LTA4H: variants seen among roughly 807,000 people sequenced by gnomAD.
The protein encoded by LTA4H is leukotriene A4 hydrolase.
Under a neutral mutation model 89.8 loss-of-function variants are expected in LTA4H, and 59 were observed. That is an observed-to-expected ratio of 0.66 (90% CI 0.53 to 0.82). The LOEUF is 0.82. LTA4H is among the 40% of genes least tolerant of loss of function. LTA4H has a pLI of 0.00. For synonymous variants in LTA4H, 227 were observed against 253.1 expected, an observed-to-expected ratio of 0.90 and a Z score of 0.98; for missense variants, 617 against 727.0, an observed-to-expected ratio of 0.85 and a Z score of 1.74.
intron 15 of LTA4H, among the ~76,000 whole-genome samples, chr12:96,007,360 T>C (rs1211481281): frequency 6.6e-6 from 1 of 152,214 alleles, no homozygotes; most frequent in Non-Finnish European, 1.5e-5. Flanking sequence ...GATATATTTA[T>C]GTGGTAAAAA....
chr12:96,019,076 C>T (rs1950419765), intron 7 of LTA4H, 92 bp downstream of exon 7: 1 of 1,257,582 alleles, frequency 8.0e-7, no homozygotes, highest in Admixed American at 2.3e-5. Flanking sequence ...CTGGTTCTTT[C>T]CCCGTATCAC....
At chr12:96,012,868 T>C (rs1950324330) in intron 14 of LTA4H, 1 of 237,934 alleles carries the variant, frequency 4.2e-6, no homozygotes, top group South Asian at 8.8e-5. Flanking sequence ...TAATAACTTA[T>C]AACAGTGTTG....
At chr12:96,016,954 G>T in intron 10 of LTA4H, 90 bp downstream of exon 10, 1 of 856,008 alleles carries the variant, frequency 1.2e-6, no homozygotes, top group Non-Finnish European at 2.0e-6. Context: ...AAAAACAAGA[G>T]ATACACACAA....
At chr12:96,013,987 T>C in intron 12 of LTA4H, 134 bp from the exon 13 acceptor site, 1 of 547,580 alleles carries the variant, frequency 1.8e-6, no homozygotes, top group Non-Finnish European at 3.2e-6. Context: ...ACGAGGACTT[T>C]CAGAGTGAAA....
At chr12:96,035,902 T>C (rs1044010831), upstream of LTA4H, among the ~76,000 whole-genome samples, 21 of 152,156 alleles carry the variant, frequency 1.4e-4, no homozygotes, top group African/African-American at 4.8e-4. Flanking sequence ...TGTTCAACTT[T>C]CGTGGAAGCT....
chr12:96,010,963 T>C (rs1950292918), intron 14 of LTA4H: 1 of 152,172 alleles, frequency 6.6e-6, no homozygotes. Context: ...TGTGCTGCAA[T>C]GGATCAAAGT....
Position 96,000,758 on chromosome 12 carries a change from C to A in LTA4H, c.*231G>T. 1 of 342,322 alleles carries A rather than the reference C, an allele frequency of 2.9e-6. No homozygotes were observed. Among genetic ancestry groups the A allele is most frequent in the South Asian group, 5.3e-5 (1 of 18,722 alleles). 21.2% of individuals were successfully genotyped at this position (342,322 alleles called of 1,614,324 possible). Reference sequence around the variant, plus strand: ...ATACTGAGAGAAAATTAATATAAAGCTAATTCAAAATTTTTTAATTTGTAA... The same window carrying A: ...ATACTGAGAGAAAATTAATATAAAGATAATTCAAAATTTTTTAATTTGTAA... On this transcript the variant is annotated 3_prime_UTR_variant, in exon 19 of 19. Transcript: ENST00000228740.
chr12:96,015,093 G>A, intron 11 of LTA4H, 94 bp from the exon 12 acceptor site: 1 of 1,160,596 alleles, frequency 8.6e-7, no homozygotes, highest in South Asian at 1.5e-5. Flanking sequence ...ACTCAGTGGT[G>A]TAACTTTAGG....
At chr12:96,016,298 CAAA>C (rs762615863) in intron 10 of LTA4H, among the ~76,000 whole-genome samples, 9 of 55,598 alleles carry the variant, frequency 1.6e-4, no homozygotes, top group East Asian at 1.3e-3. Context: ...GACTCCATCT[CAAA>C]AAAAAAAAAA....
At chr12:96,010,293 A>G (rs1950278448) in intron 14 of LTA4H, 1 of 152,214 alleles carries the variant, frequency 6.6e-6, no homozygotes. Context: ...AAAGAGCAAA[A>G]CCAGATATGT....
At chr12:96,013,124 A>G in intron 14 of LTA4H, 64 bp downstream of exon 14, 1 of 1,247,394 alleles carries the variant, frequency 8.0e-7, no homozygotes, top group South Asian at 1.2e-5. Context: ...ATTCTTTCAG[A>G]TATTTTGAGG....
In LTA4H at chr12:96,017,117, A is replaced by G. The variant is rs749850944; in HGVS notation, c.877-3T>C. 2.5e-6 allele frequency: 4 copies of G among 1,598,502 alleles called. No individual in the cohort carries two copies. The South Asian group carries it at 3.3e-5, about 13-fold the overall frequency. The stretch of plus-strand genomic sequence containing the variant: ...TGAGATATTTCATGTGCAATGACCT[A>G]AAGAAAACAGTGTGATTAATAGTAA... On this transcript the variant is annotated splice_polypyrimidine_tract_variant and splice_region_variant and intron_variant, in intron 9 of 18. Coordinates refer to ENST00000228740, the MANE Select transcript of LTA4H (RefSeq NM_000895.3).
intron 6 of LTA4H, 84 bp from the exon 7 acceptor site, chr12:96,019,324 C>A: frequency 8.8e-7 from 1 of 1,142,432 alleles, no homozygotes; most frequent in Non-Finnish European, 1.3e-6. Context: ...GTCTTGTAGA[C>A]AAACCTTTAC....
At chr12:96,018,560 A>T (rs2540494) in intron 8 of LTA4H, among the ~76,000 whole-genome samples, 1 of 151,870 alleles carries the variant, frequency 6.6e-6, no homozygotes, top group African/African-American at 2.4e-5. Flanking sequence ...AAAACAACAA[A>T]AAAAAAATGA....
intron 1 of LTA4H, among the ~76,000 whole-genome samples, chr12:96,029,776 G>A (rs1443366338): frequency 6.6e-6 from 1 of 152,126 alleles, no homozygotes; most frequent in African/African-American, 2.4e-5. Context: ...AAGTGTCAGA[G>A]TATTTTCTAT....
intron 8 of LTA4H, among the ~76,000 whole-genome samples, chr12:96,017,847 T>G (rs1306316404): frequency 3.3e-5 from 5 of 152,216 alleles, no homozygotes. Flanking sequence ...CCATGAAACA[T>G]TTCTTCTACT....
rs193075605 is a variant in LTA4H at position 96,030,441 on chromosome 12, A to G, written c.160-1256T>C. The stretch of plus-strand genomic sequence containing the variant: ...CGCCTGCTCAACATTTCCATGGGAC[A>G]TAGCACCACACATTGAATAGGCTTC... On this transcript the variant is annotated intron_variant, in intron 1 of 18. Coordinates refer to ENST00000228740, the MANE Select transcript of LTA4H (RefSeq NM_000895.3). Among the ~76,000 whole-genome samples the G allele has an allele frequency of 3.3e-4, 51 of 152,320 alleles. No homozygotes were observed. In the East Asian group the frequency reaches 6.5e-3, roughly 20 times the overall value.
chr12:96,027,777 T>C (rs1950528714), intron 2 of LTA4H: 2 of 302,152 alleles, frequency 6.6e-6, no homozygotes, highest in Non-Finnish European at 1.2e-5. Flanking sequence ...ACCTCTCCCA[T>C]GCTAACTGCT....
chr12:96,023,204 G>A (rs1158625954), intron 4 of LTA4H, among the ~76,000 whole-genome samples: 1 of 152,138 alleles, frequency 6.6e-6, no homozygotes, highest in Non-Finnish European at 1.5e-5. Context: ...TGTGACTGAG[G>A]CAGGCACAGA....
Sources: allele counts gnomAD v4.1 joint callset (sites outside exome capture counted in the v4.1 genomes callset), GRCh38; gene constraint gnomAD v4.1.1; transcripts MANE v1.5; gene names NCBI Gene and HGNC (gene_info 2026-07-23, HGNC 2026-07-21).